BTN3A1: variants seen among roughly 807,000 people sequenced by gnomAD.
BTN3A1 encodes butyrophilin subfamily 3 member A1.
Under a neutral mutation model 43.0 loss-of-function variants are expected in BTN3A1, and 24 were observed. The ratio of observed to expected loss-of-function variants is 0.56; its 90% CI spans 0.40 to 0.78. The LOEUF is 0.78. Ranked by LOEUF, BTN3A1 falls within the 30% of genes least tolerant of loss-of-function variation. The probability of loss-of-function intolerance (pLI) is 0.00; values close to 1 mark genes in which losing one functional copy is unlikely to be tolerated. For synonymous variants in BTN3A1, 181 were observed against 234.7 expected, an observed-to-expected ratio of 0.77 and a Z score of 2.09; for missense variants, 533 against 626.2, an observed-to-expected ratio of 0.85 and a Z score of 1.59.
Position 26,413,622 on chromosome 6 carries a change from C to G in BTN3A1, c.1472C>G (p.Ser491Cys). 6.2e-7 allele frequency: 1 copy of G among 1,614,202 alleles called. No homozygotes were observed. The highest frequency in any genetic ancestry group is 8.5e-7 in the Non-Finnish European group (1 of 1,180,032). Residue 491 changes from serine (S) to cysteine (C), a missense_variant, in exon 10 of 10, where the codon TCT becomes TGT. This residue lies in a region of BTN3A1 where 415 missense variants were observed against 427.0 expected (regional missense o/e 0.97). Coordinates refer to ENST00000289361, the MANE Select transcript of BTN3A1 (RefSeq NM_007048.6). ...CATACTTTCCTGGACGTCTCCTTCT[C>G]TGAGGCTCTATATCCTGTTTTCAGA... ...HIHTFLDVSFSEALYPVFRIL... is the reference protein window; with the variant it reads ...HIHTFLDVSFCEALYPVFRIL...
At chr6:26,407,464 G>A (rs1762056502) in intron 3 of BTN3A1, among the ~76,000 whole-genome samples, 1 of 152,174 alleles carries the variant, frequency 6.6e-6, no homozygotes, top group Non-Finnish European at 1.5e-5. Flanking sequence ...TCTGGTAACT[G>A]TGGTGGGTGG....
In BTN3A1 at chr6:26,407,792, G is replaced by A; in HGVS notation, c.555G>A (p.Glu185=). Reference sequence around the variant, plus strand: ...TACAGTGGAGCAACAACAAGGGAGAGAACATCCCGACTGTGGAAGCACCTG... The same window carrying A: ...TACAGTGGAGCAACAACAAGGGAGAAAACATCCCGACTGTGGAAGCACCTG... ...PQIQWSNNKG[E]NIPTVEAPVV... Residue 185 remains glutamate (E), a synonymous_variant, in exon 4 of 10, where the codon GAG becomes GAA. Transcript: ENST00000289361. 1.2e-6 allele frequency: 2 copies of A among 1,614,236 alleles called. No homozygotes were observed. Among genetic ancestry groups the A allele is most frequent in the Non-Finnish European group, 1.7e-6 (2 of 1,180,050 alleles).
At chr6:26,409,836 T>G in intron 5 of BTN3A1, 58 bp from the exon 6 acceptor site, 1 of 1,613,620 alleles carries the variant, frequency 6.2e-7, no homozygotes, top group Non-Finnish European at 8.5e-7. Context: ...TTAAGGTTAA[T>G]TTTTTAGAAA....
intron 1 of BTN3A1, among the ~76,000 whole-genome samples, chr6:26,402,868 G>A (rs1761898600): frequency 6.6e-6 from 1 of 152,158 alleles, no homozygotes; most frequent in Non-Finnish European, 1.5e-5. Flanking sequence ...TCATAAAAGA[G>A]ATTTCCATGC....
At chr6:26,412,896 C>G (rs1762267662) in intron 9 of BTN3A1, 11 of 1,486,708 alleles carry the variant, frequency 7.4e-6, no homozygotes, top group Non-Finnish European at 9.8e-6. Context: ...AGAAAGGATC[C>G]TTGCTGCTTC....
chr6:26,412,633 C>T, intron 9 of BTN3A1: 1 of 1,550,004 alleles, frequency 6.5e-7, no homozygotes, highest in Non-Finnish European at 8.7e-7. Flanking sequence ...TCATGGCCTG[C>T]TGTGGGCTGA....
intron 1 of BTN3A1, chr6:26,404,705 C>T (rs1329628874): frequency 6.6e-6 from 1 of 152,232 alleles, no homozygotes; most frequent in Non-Finnish European, 1.5e-5. Flanking sequence ...AGGCTTCTGT[C>T]TGCACCCATG....
At chr6:26,412,311 T>C in intron 9 of BTN3A1, 1 of 635,396 alleles carries the variant, frequency 1.6e-6, no homozygotes, top group Non-Finnish European at 2.9e-6. Flanking sequence ...GAGAAGAGTC[T>C]TCAGGCCTTG....
chr6:26,403,696 G>T (rs572353521), intron 1 of BTN3A1, among the ~76,000 whole-genome samples: 38 of 151,868 alleles, frequency 2.5e-4, no homozygotes, highest in Admixed American at 2.4e-3. Flanking sequence ...TTTATTTATT[G>T]ATTGATTTGT....
At chr6:26,412,139 G>A in intron 9 of BTN3A1, 1 of 365,560 alleles carries the variant, frequency 2.7e-6, no homozygotes, top group South Asian at 5.2e-5. Flanking sequence ...GTGGTTGAAG[G>A]TTTGCAGAAA....
In BTN3A1 at chr6:26,407,961, C is replaced by G; in HGVS notation, c.715+9C>G. ...CAGCATTTCCATCGCAGGTCAGTACCTGCTTGGCCTCAGGTTTTCTGAGCT... is the reference window on the plus strand; with the variant it reads ...CAGCATTTCCATCGCAGGTCAGTACGTGCTTGGCCTCAGGTTTTCTGAGCT... On this transcript the variant is annotated intron_variant, in intron 4 of 9. Transcript: ENST00000289361. 6.2e-7 allele frequency: 1 copy of G among 1,612,952 alleles called. No homozygotes were observed. The highest frequency in any genetic ancestry group is 8.5e-7 in the Non-Finnish European group (1 of 1,179,054).
In BTN3A1 at chr6:26,408,139, T is replaced by C. The variant is rs73736267; in HGVS notation, c.715+187T>C. Among the ~76,000 whole-genome samples, 307 of 152,266 alleles carry C rather than the reference T, an allele frequency of 2.0e-3. 2 individuals carry two copies. Among genetic ancestry groups the C allele is most frequent in the African/African-American group, 4.8e-3 (199 of 41,548 alleles). On this transcript the variant is annotated intron_variant, in intron 4 of 9. Transcript: ENST00000289361. ...CATAAAGCTGTTCATGACGCAAACA[T>C]TTACTGAACATTTCCTGTCTGCCAG...
In BTN3A1 at chr6:26,409,585, G is replaced by T; in HGVS notation, c.768G>T (p.Leu256=). The change falls in exon 5 of 10, where the codon CTG becomes CTT. Residue 256 remains leucine, a synonymous_variant. Transcript: ENST00000289361. Reference sequence around the variant, plus strand: ...GGATCGCCGCCCTGGCAGGGACCCTGCCTGTCTTGCTGCTGCTTCTTGGGG... The same window carrying T: ...GGATCGCCGCCCTGGCAGGGACCCTTCCTGTCTTGCTGCTGCTTCTTGGGG... The part of the protein sequence containing the change: ...QRWIAALAGT[L]PVLLLLLGGA... The T allele has an allele frequency of 6.2e-7, 1 of 1,613,928 alleles. No homozygotes were observed.
Position 26,413,774 on chromosome 6 carries a change from A to G in BTN3A1, c.*82A>G. ...CCAGTAACCCCGGGCTTAGCTAACG[A>G]AAGTGGGGAGCCTCAGGCTGAAGTA... is the stretch of plus-strand genomic sequence containing the variant. On this transcript the variant is annotated 3_prime_UTR_variant, in exon 10 of 10. Coordinates refer to ENST00000289361, the MANE Select transcript of BTN3A1 (RefSeq NM_007048.6). 2.5e-6 allele frequency: 4 copies of G among 1,602,644 alleles called. No homozygotes were observed. Among genetic ancestry groups the G allele is most frequent in the South Asian group, 1.1e-5 (1 of 91,054 alleles).
intron 8 of BTN3A1, 76 bp from the exon 9 acceptor site, chr6:26,411,479 G>T: frequency 6.6e-7 from 1 of 1,508,448 alleles, no homozygotes; most frequent in Non-Finnish European, 9.2e-7. Context: ...GAGAAAACAT[G>T]TAGTGAGGGG....
intron 4 of BTN3A1, 143 bp downstream of exon 4, chr6:26,408,095 C>T (rs958742727): frequency 1.8e-5 from 23 of 1,312,430 alleles, no homozygotes; most frequent in African/African-American, 7.5e-5. Flanking sequence ...CTCCTTGCAC[C>T]GGGGGAGCTT....
chr6:26,412,835 A>T, intron 9 of BTN3A1: 1 of 1,545,476 alleles, frequency 6.5e-7, no homozygotes, highest in South Asian at 1.2e-5. Context: ...ACCTCTGAGT[A>T]TAAAGCATTA....
At position 26,411,168 on chromosome 6, in the gene BTN3A1, G is replaced by A. The variant is rs753613410; in HGVS notation, c.991+33G>A. 6 of 1,603,974 alleles carry A rather than the reference G, an allele frequency of 3.7e-6. No homozygotes were observed. The Admixed American group carries it at 5.2e-5, about 14-fold the overall frequency. On this transcript the variant is annotated intron_variant, in intron 8 of 9. Transcript: ENST00000289361. ...AACCTGATGCTCTCTGAGTTTGCTG[G>A]GACACGTGCCATGAACATTTCAACC...
At position 26,413,823 on chromosome 6, in the gene BTN3A1, CAG is replaced by C. The variant is rs1762306753; in HGVS notation, c.*132_*133del. 4.5e-6 allele frequency: 7 copies of C among 1,570,474 alleles called. No individual in the cohort carries two copies. In the Admixed American group the frequency reaches 8.6e-5, roughly 19 times the overall value. On this transcript the variant is annotated 3_prime_UTR_variant, in exon 10 of 10. Transcript: ENST00000289361. ...TAACTTTTCTCTGCTTCTCCCTGCC[CAG>C]CTCAGAGCTGAGGGCCTCCCCCTCC... is the stretch of plus-strand genomic sequence containing the variant.
Sources: gnomAD v4.1 joint callset for allele counts (sites outside exome capture counted in the v4.1 genomes callset) on GRCh38, gnomAD v4.1.1 for gene constraint, gnomAD v4.1.1 regional missense constraint, MANE v1.5 for transcripts, NCBI Gene and HGNC (gene_info 2026-07-23, HGNC 2026-07-21) for gene names.